EEF1AKMT1: variants seen among roughly 807,000 people sequenced by gnomAD.
EEF1AKMT1 encodes the protein EEF1A lysine methyltransferase 1, also known as N-6 adenine-specific DNA methyltransferase 2 (putative).
A neutral mutation model predicts 21.0 loss-of-function variants in EEF1AKMT1; 18 were observed. The observed-to-expected ratio is 0.86, with a 90% CI of 0.59 to 1.27. The LOEUF (loss-of-function observed/expected upper bound fraction) is 1.27, where lower values mean the gene tolerates loss of function less well. Among genes scored for constraint, EEF1AKMT1 ranks in the 50% most tolerant of loss-of-function variants. The pLI is 0.00. For missense variants in EEF1AKMT1, 246 were observed against 258.6 expected (o/e 0.95, Z 0.33); for synonymous variants, 109 against 94.8 (o/e 1.15, Z -0.87).
intron 2 of EEF1AKMT1, among the ~76,000 whole-genome samples, chr13:20,751,893 T>C (rs1200954190): frequency 6.6e-6 from 1 of 151,718 alleles, no homozygotes; most frequent in African/African-American, 2.4e-5. Flanking sequence ...TAGGTATTTC[T>C]TTTTTTTGTA....
At chr13:20,738,640 T>G (rs150001323) in intron 2 of EEF1AKMT1, among the ~76,000 whole-genome samples, 38 of 152,292 alleles carry the variant, frequency 2.5e-4, no homozygotes, top group Non-Finnish European at 3.4e-4. Flanking sequence ...CAATGAAATA[T>G]TATTTGGCCA....
Position 20,732,030 on chromosome 13 carries a change from T to G in EEF1AKMT1, c.319A>C (p.Arg107=), listed in dbSNP as rs1024052035. 1 of 1,614,094 alleles carries G rather than the reference T, an allele frequency of 6.2e-7. No individual in the cohort carries two copies. The highest frequency in any genetic ancestry group is 1.3e-5 in the African/African-American group (1 of 74,936). ...AACTCCTCTCCATACATGGCAAATC[T>G]TTTGTCATATTCAAAGATGTATATC... The part of the protein sequence containing the change: ...FSIYIFEYDK[R]FAMYGEEFIF... Residue 107 remains arginine (R), a synonymous_variant, in exon 4 of 5, where the codon AGA becomes CGA. Transcript: ENST00000382758.
chr13:20,731,338 A>G (rs1296875060), intron 4 of EEF1AKMT1, among the ~76,000 whole-genome samples: 1 of 152,206 alleles, frequency 6.6e-6, no homozygotes, highest in African/African-American at 2.4e-5. Context: ...GGTGGCACAC[A>G]CCTGTAAGTT....
At chr13:20,736,395 C>T (rs763798786) in intron 3 of EEF1AKMT1, among the ~76,000 whole-genome samples, 1 of 152,140 alleles carries the variant, frequency 6.6e-6, no homozygotes, top group Non-Finnish European at 1.5e-5. Flanking sequence ...AAACTTCCCT[C>T]CTACGTGCCT....
At chr13:20,729,643 T>G (rs2058780455) in intron 4 of EEF1AKMT1, among the ~76,000 whole-genome samples, 1 of 152,122 alleles carries the variant, frequency 6.6e-6, no homozygotes, top group South Asian at 2.1e-4. Flanking sequence ...CCACTCCCTT[T>G]TGCCATCTGC....
At chr13:20,745,938 T>C (rs1322145642) in intron 2 of EEF1AKMT1, among the ~76,000 whole-genome samples, 1 of 152,182 alleles carries the variant, frequency 6.6e-6, no homozygotes, top group Non-Finnish European at 1.5e-5. Flanking sequence ...AAGTGGCACG[T>C]GGTATGAATG....
chr13:20,737,880 T>C, intron 2 of EEF1AKMT1, 75 bp from the exon 3 acceptor site: 1 of 969,676 alleles, frequency 1.0e-6, no homozygotes, highest in Admixed American at 2.4e-5. Context: ...ATATAATCTA[T>C]ACCAGTGGAC....
intron 2 of EEF1AKMT1, among the ~76,000 whole-genome samples, chr13:20,738,744 G>C (rs574064463): frequency 6.6e-6 from 1 of 152,244 alleles, no homozygotes; most frequent in Non-Finnish European, 1.5e-5. Flanking sequence ...GCCACATACT[G>C]TGTAATTCTG....
At chr13:20,742,276 T>C (rs1341292677) in intron 2 of EEF1AKMT1, among the ~76,000 whole-genome samples, 2 of 152,204 alleles carry the variant, frequency 1.3e-5, no homozygotes, top group East Asian at 1.9e-4. Flanking sequence ...ATTTTGTCAA[T>C]TGTTGCTAGC....
chr13:20,751,068 T>C (rs1443712368), intron 2 of EEF1AKMT1, among the ~76,000 whole-genome samples: 2 of 152,204 alleles, frequency 1.3e-5, no homozygotes. Flanking sequence ...TTATATATTC[T>C]AGATACGAGT....
intron 1 of EEF1AKMT1, among the ~76,000 whole-genome samples, chr13:20,761,567 T>C (rs1399619091): frequency 6.6e-6 from 1 of 152,238 alleles, no homozygotes; most frequent in African/African-American, 2.4e-5. Context: ...TTTCTCTGGA[T>C]AAATGCTCAA....
chr13:20,733,761 G>C (rs1396523166), intron 3 of EEF1AKMT1, among the ~76,000 whole-genome samples: 1 of 152,110 alleles, frequency 6.6e-6, no homozygotes, highest in Middle Eastern at 3.2e-3. Flanking sequence ...AGAAGAGAGT[G>C]ACCTTTTCTC....
At chr13:20,757,763 C>A in intron 1 of EEF1AKMT1, 146 bp from the exon 2 acceptor site, 1 of 670,344 alleles carries the variant, frequency 1.5e-6, no homozygotes, top group Non-Finnish European at 2.4e-6. Flanking sequence ...TCTAAGCCCC[C>A]CAGCCAACTG....
At chr13:20,738,360 TTGG>T (rs2058839000) in intron 2 of EEF1AKMT1, among the ~76,000 whole-genome samples, 2 of 152,260 alleles carry the variant, frequency 1.3e-5, no homozygotes, top group Admixed American at 6.5e-5. Flanking sequence ...TTCATGCTGA[TTGG>T]TGATTTTTAA....
chr13:20,748,391 C>T (rs374179077), intron 2 of EEF1AKMT1, among the ~76,000 whole-genome samples: 1 of 150,840 alleles, frequency 6.6e-6, no homozygotes, highest in Admixed American at 6.6e-5. Context: ...GGCGAGATCG[C>T]GCCACTGCAC....
intron 4 of EEF1AKMT1, among the ~76,000 whole-genome samples, chr13:20,731,371 T>C (rs1013806385): frequency 6.6e-6 from 1 of 152,124 alleles, no homozygotes; most frequent in Non-Finnish European, 1.5e-5. Flanking sequence ...GAGGCTGAGG[T>C]GGGAGGACGG....
intron 1 of EEF1AKMT1, among the ~76,000 whole-genome samples, chr13:20,758,687 G>A (rs1369524333): frequency 1.3e-5 from 2 of 151,786 alleles, no homozygotes; most frequent in Non-Finnish European, 2.9e-5. Context: ...AATTCATATG[G>A]AACTAAAAAA....
At chr13:20,748,715 G>GGTTTGTTTTTTTTTTT (rs1555326495) in intron 2 of EEF1AKMT1, among the ~76,000 whole-genome samples, 1 of 105,810 alleles carries the variant, frequency 9.5e-6, no homozygotes, top group African/African-American at 3.7e-5. Flanking sequence ...ATGTATAGTT[G>GGTTTGTTTTTTTTTTT]TTTTTTTTTG....
chr13:20,749,660 C>A (rs1011217119), intron 2 of EEF1AKMT1, among the ~76,000 whole-genome samples: 3 of 151,984 alleles, frequency 2.0e-5, no homozygotes, highest in African/African-American at 7.3e-5. Context: ...ATTGCTTGAG[C>A]CCAGGAGTTT....
Sources: gnomAD v4.1 joint callset for allele counts (sites outside exome capture counted in the v4.1 genomes callset) on GRCh38, gnomAD v4.1.1 for gene constraint, MANE v1.5 for transcripts, NCBI Gene and HGNC (gene_info 2026-07-23, HGNC 2026-07-21) for gene names.